The following FBXL7 variants were observed in gnomAD, a reference collection of about 807,000 sequenced individuals.
The protein encoded by FBXL7 is F-box/LRR-repeat protein 7.
FBXL7 carries 12 observed loss-of-function variants against 38.3 expected under a neutral mutation model. The ratio of observed to expected loss-of-function variants is 0.31; its 90% CI spans 0.20 to 0.51. The LOEUF is 0.51. Ranked by LOEUF, FBXL7 falls within the 20% of genes least tolerant of loss-of-function variation. The pLI is 0.98. For missense variants in FBXL7, 567 were observed against 676.4 expected, an observed-to-expected ratio of 0.84 and a Z score of 1.79; for synonymous variants, 297 against 300.9, an observed-to-expected ratio of 0.99 and a Z score of 0.13.
rs573922989 is a variant in FBXL7 at position 15,680,379 on chromosome 5, T to C, written c.127+64307T>C. Among the ~76,000 whole-genome samples the C allele has an allele frequency of 8.5e-5, 13 of 152,350 alleles. No homozygotes were observed. The East Asian group carries it at 1.9e-3, about 23-fold the overall frequency. Reference sequence around the variant, plus strand: ...CCTGAGATTTGCTGCACTTTTGCAATGTGCAACCTGAATAACTATACTGGG... The same window carrying C: ...CCTGAGATTTGCTGCACTTTTGCAACGTGCAACCTGAATAACTATACTGGG... On this transcript the variant is annotated intron_variant, in intron 2 of 3. Transcript: ENST00000504595.
chr5:15,812,804 C>G (rs768162620), intron 2 of FBXL7, among the ~76,000 whole-genome samples: 4 of 151,828 alleles, frequency 2.6e-5, no homozygotes, highest in Non-Finnish European at 4.4e-5. Flanking sequence ...TCTCTTATTT[C>G]CTTGAGTAGT....
rs755631121 is a variant in FBXL7, at chr5:15,937,025, G to A, written c.1315G>A (p.Glu439Lys). 7 of 1,613,914 alleles carry A rather than the reference G, an allele frequency of 4.3e-6. No individual in the cohort carries two copies. Among genetic ancestry groups the A allele is most frequent in the African/African-American group, 1.3e-5 (1 of 74,942 alleles). Residue 439 changes from glutamate to lysine, a missense_variant, in exon 4 of 4, where the codon GAG (glutamate) becomes AAG (lysine). Coordinates refer to ENST00000504595, the MANE Select transcript of FBXL7 (RefSeq NM_012304.5). ...CAAGCGGCTCAGCCTCAAGTCCTGC[G>A]AGAGCATCACCGGCCAGGGCTTGCA... is the stretch of plus-strand genomic sequence containing the variant. ...NLKRLSLKSC[E>K]SITGQGLQIV...
intron 2 of FBXL7, among the ~76,000 whole-genome samples, chr5:15,732,664 G>A (rs902763254): frequency 2.6e-5 from 4 of 152,140 alleles, no homozygotes; most frequent in African/African-American, 4.8e-5. Context: ...TTAAGATTAC[G>A]ATCTATAGAA....
intron 2 of FBXL7, among the ~76,000 whole-genome samples, chr5:15,816,791 A>AT (rs1294384644): frequency 6.6e-6 from 1 of 152,174 alleles, no homozygotes; most frequent in East Asian, 1.9e-4. Flanking sequence ...AAGCTGCTTA[A>AT]TTTTTTATTG....
At chr5:15,912,443 G>C (rs1242401322) in intron 2 of FBXL7, among the ~76,000 whole-genome samples, 1 of 146,870 alleles carries the variant, frequency 6.8e-6, no homozygotes, top group Non-Finnish European at 1.5e-5. Flanking sequence ...CTAGTGAGAT[G>C]AACCCGGTAC....
At chr5:15,805,096 A>G (rs1437049021) in intron 2 of FBXL7, among the ~76,000 whole-genome samples, 2 of 152,078 alleles carry the variant, frequency 1.3e-5, no homozygotes, top group African/African-American at 4.8e-5. Context: ...GCCTTTTCTC[A>G]TAAGGACACC....
At chr5:15,554,112 A>T (rs1358506560) in intron 1 of FBXL7, among the ~76,000 whole-genome samples, 1 of 152,284 alleles carries the variant, frequency 6.6e-6, no homozygotes, top group East Asian at 1.9e-4. Flanking sequence ...TGTCCATCCC[A>T]GACCCACTCC....
chr5:15,646,962 TCAC>T (rs1266134762), intron 2 of FBXL7, among the ~76,000 whole-genome samples: 1 of 152,172 alleles, frequency 6.6e-6, no homozygotes, highest in Admixed American at 6.5e-5. Context: ...TTGGCCCAAA[TCAC>T]AGGAAAACCG....
intron 2 of FBXL7, among the ~76,000 whole-genome samples, chr5:15,644,378 G>A (rs1741465158): frequency 6.6e-6 from 1 of 151,756 alleles, no homozygotes; most frequent in South Asian, 2.1e-4. Context: ...AGGAGGCTGA[G>A]GCAGGAGAAT....
chr5:15,510,771 T>C (rs1447352062), intron 1 of FBXL7, among the ~76,000 whole-genome samples: 1 of 152,222 alleles, frequency 6.6e-6, no homozygotes, highest in Non-Finnish European at 1.5e-5. Context: ...TTTTCAATCA[T>C]TTTAATAATT....
intron 2 of FBXL7, among the ~76,000 whole-genome samples, chr5:15,785,012 G>A (rs1737096874): frequency 6.6e-6 from 1 of 152,084 alleles, no homozygotes. Context: ...CTGAGGGTTG[G>A]GTGTAGCTAT....
In FBXL7 at chr5:15,831,175, C is replaced by A. The variant is rs190222202; in HGVS notation, c.128-96715C>A. Reference sequence around the variant, plus strand: ...TTCTCAAACTGCCTATAACCTCACCCCTTGCATGATGGAATAAGTAGCTTG... The same window carrying A: ...TTCTCAAACTGCCTATAACCTCACCACTTGCATGATGGAATAAGTAGCTTG... On this transcript the variant is annotated intron_variant, in intron 2 of 3. Coordinates refer to ENST00000504595, the MANE Select transcript of FBXL7 (RefSeq NM_012304.5). Among the ~76,000 whole-genome samples, 22 of 152,258 alleles carry A rather than the reference C, an allele frequency of 1.4e-4. No homozygotes were observed. The East Asian group carries it at 3.3e-3, about 23-fold the overall frequency.
At chr5:15,764,305 AT>A (rs1736528509) in intron 2 of FBXL7, among the ~76,000 whole-genome samples, 1 of 152,244 alleles carries the variant, frequency 6.6e-6, no homozygotes, top group African/African-American at 2.4e-5. Flanking sequence ...ACAAGATACT[AT>A]TACTATTTGA....
intron 2 of FBXL7, among the ~76,000 whole-genome samples, chr5:15,733,577 C>T (rs114740397): frequency 2.6e-5 from 4 of 152,150 alleles, no homozygotes; most frequent in Non-Finnish European, 4.4e-5. Context: ...ACATAACTGT[C>T]CTAATACAAC....
intron 2 of FBXL7, among the ~76,000 whole-genome samples, chr5:15,863,966 G>A (rs139239986): frequency 8.1e-4 from 123 of 151,874 alleles, no homozygotes; most frequent in African/African-American, 2.8e-3. Flanking sequence ...ATCACTGATA[G>A]TCTATTGACT....
chr5:15,539,250 C>T lies in FBXL7; in HGVS notation c.37+38537C>T, dbSNP rs115596205. ...TAGCTTGGTTTGTAGGGTTAAGCTC[C>T]GATGGCTGCAGGAATGACGTCAATA... On this transcript the variant is annotated intron_variant, in intron 1 of 3. Transcript: ENST00000504595. Among the ~76,000 whole-genome samples, 366 of 152,232 alleles carry T rather than the reference C, an allele frequency of 2.4e-3. 2 individuals carry two copies. The highest frequency in any genetic ancestry group is 7.8e-3 in the African/African-American group (326 of 41,540).
chr5:15,769,325 C>G (rs531332228), intron 2 of FBXL7, among the ~76,000 whole-genome samples: 6 of 152,332 alleles, frequency 3.9e-5, no homozygotes, highest in South Asian at 4.1e-4. Context: ...TCAAAATTGA[C>G]CCTCTATGGT....
intron 1 of FBXL7, among the ~76,000 whole-genome samples, chr5:15,594,332 A>T (rs946036205): frequency 1.3e-5 from 2 of 152,242 alleles, no homozygotes; most frequent in African/African-American, 4.8e-5. Flanking sequence ...TTTGAAAAGA[A>T]AACAGTTGAA....
intron 2 of FBXL7, among the ~76,000 whole-genome samples, chr5:15,732,708 T>G (rs1236729619): frequency 6.6e-6 from 1 of 152,198 alleles, no homozygotes. Context: ...ATCCTCCTAT[T>G]TGGAACTACA....
Sources: allele counts gnomAD v4.1 joint callset (sites outside exome capture counted in the v4.1 genomes callset), GRCh38; gene constraint gnomAD v4.1.1; transcripts MANE v1.5; gene names NCBI Gene and HGNC (gene_info 2026-07-23, HGNC 2026-07-21).